The following DPYSL3 variants were observed in gnomAD, a reference collection of about 807,000 sequenced individuals.
DPYSL3 encodes dihydropyrimidinase like 3, also known as dihydropyrimidinase-related protein 3.
Under a neutral mutation model 66.1 loss-of-function variants are expected in DPYSL3, and 16 were observed. That is an observed-to-expected ratio of 0.24 (90% CI 0.16 to 0.37). The LOEUF (loss-of-function observed/expected upper bound fraction) is 0.37, where lower values mean the gene tolerates loss of function less well. Among genes scored for constraint, DPYSL3 ranks in the 10% least tolerant of loss-of-function variants. The probability of loss-of-function intolerance (pLI) is 1.00; values close to 1 mark genes in which losing one functional copy is unlikely to be tolerated. For synonymous variants in DPYSL3, 338 were observed against 345.1 expected (o/e 0.98, Z 0.23); for missense variants, 738 against 916.2 (o/e 0.81, Z 2.51).
intron 1 of DPYSL3, among the ~76,000 whole-genome samples, chr5:147,451,395 A>G (rs1266761556): frequency 2.6e-5 from 4 of 152,218 alleles, no homozygotes; most frequent in African/African-American, 7.2e-5. Context: ...CCGCACTGAA[A>G]ATGAAGGATG....
Position 147,497,227 on chromosome 5 carries a change from A to G in DPYSL3, c.381+12251T>C, listed in dbSNP as rs371813231. ...AGAACACATGGACACAGGAAGGGGA[A>G]CATCACACACCAGGGACTGTTGTGG... On this transcript the variant is annotated intron_variant, in intron 1 of 13. Coordinates refer to ENST00000343218, the MANE Select transcript of DPYSL3 (RefSeq NM_001197294.2). 2.5e-4 allele frequency among the ~76,000 whole-genome samples: 34 copies of G among 138,512 alleles called. 2 individuals are homozygous for G. In the East Asian group the frequency reaches 8.0e-3, roughly 33 times the overall value. The allele number at this position is 138,512 out of a possible 152,430, so 90.9% of individuals were successfully genotyped here.
chr5:147,444,744 C>T (rs541489321), intron 1 of DPYSL3, among the ~76,000 whole-genome samples: 4 of 151,424 alleles, frequency 2.6e-5, no homozygotes, highest in African/African-American at 7.3e-5. Context: ...AGAATAAAAA[C>T]GAGTAATAAG....
chr5:147,450,296 C>A (rs932279939), intron 1 of DPYSL3, among the ~76,000 whole-genome samples: 1 of 152,014 alleles, frequency 6.6e-6, no homozygotes, highest in African/African-American at 2.4e-5. Context: ...AACATAATAC[C>A]TGACAAAATA....
At chr5:147,421,280 T>G (rs1319270528) in intron 2 of DPYSL3, among the ~76,000 whole-genome samples, 2 of 151,826 alleles carry the variant, frequency 1.3e-5, no homozygotes, top group African/African-American at 4.8e-5. Context: ...ACAAAGAGAA[T>G]AAAATACCTA....
intron 1 of DPYSL3, among the ~76,000 whole-genome samples, chr5:147,445,122 G>C (rs1268097757): frequency 6.6e-6 from 1 of 152,194 alleles, no homozygotes; most frequent in Non-Finnish European, 1.5e-5. Flanking sequence ...TTTGCAGTAA[G>C]AGAAATGATG....
intron 1 of DPYSL3, among the ~76,000 whole-genome samples, chr5:147,439,092 T>C (rs946742627): frequency 5.9e-5 from 9 of 152,210 alleles, no homozygotes; most frequent in Non-Finnish European, 1.2e-4. Flanking sequence ...TCTAAATTAA[T>C]TCATTCATTC....
intron 1 of DPYSL3, among the ~76,000 whole-genome samples, chr5:147,463,280 C>G (rs1398186786): frequency 6.6e-6 from 1 of 152,152 alleles, no homozygotes; most frequent in Non-Finnish European, 1.5e-5. Context: ...GGCCACATGA[C>G]AGCCCCATTC....
chr5:147,460,964 G>C (rs1752922088), intron 1 of DPYSL3, among the ~76,000 whole-genome samples: 1 of 152,216 alleles, frequency 6.6e-6, no homozygotes, highest in Non-Finnish European at 1.5e-5. Context: ...ACAGGAGATA[G>C]AAAGAAATTA....
At chr5:147,483,388 T>C (rs1753280582) in intron 1 of DPYSL3, among the ~76,000 whole-genome samples, 1 of 152,202 alleles carries the variant, frequency 6.6e-6, no homozygotes, top group Non-Finnish European at 1.5e-5. Flanking sequence ...TAACACTGTG[T>C]TTGAAATCAG....
At chr5:147,430,353 G>T (rs1344055413) in intron 1 of DPYSL3, among the ~76,000 whole-genome samples, 1 of 151,082 alleles carries the variant, frequency 6.6e-6, no homozygotes, top group Admixed American at 6.6e-5. Flanking sequence ...AAAAGAAAAA[G>T]AAAAAAAATA....
At chr5:147,428,192 G>T (rs551208320) in intron 1 of DPYSL3, among the ~76,000 whole-genome samples, 10 of 152,304 alleles carry the variant, frequency 6.6e-5, no homozygotes, top group Non-Finnish European at 1.3e-4. Flanking sequence ...GCCCAAAGAT[G>T]AATCATAGGC....
chr5:147,485,983 A>T (rs1302761746), intron 1 of DPYSL3, among the ~76,000 whole-genome samples: 1 of 152,232 alleles, frequency 6.6e-6, no homozygotes, highest in Admixed American at 6.5e-5. Context: ...GATAAATACA[A>T]TCTGATATAT....
intron 1 of DPYSL3, among the ~76,000 whole-genome samples, chr5:147,476,615 A>C (rs1269037737): frequency 6.6e-6 from 1 of 152,098 alleles, no homozygotes; most frequent in African/African-American, 2.4e-5. Context: ...CTTCCATGTA[A>C]ATTTTGGTCT....
At chr5:147,474,828 C>G (rs113698519) in intron 1 of DPYSL3, among the ~76,000 whole-genome samples, 1 of 151,828 alleles carries the variant, frequency 6.6e-6, no homozygotes, top group Non-Finnish European at 1.5e-5. Context: ...TATACAATTC[C>G]GTGGTTTTTA....
chr5:147,434,944 T>C (rs1178122894), intron 1 of DPYSL3, among the ~76,000 whole-genome samples: 3 of 152,216 alleles, frequency 2.0e-5, no homozygotes, highest in African/African-American at 7.2e-5. Flanking sequence ...GTTCATCTAT[T>C]GTAACAAGCA....
At chr5:147,452,553 G>T (rs535606139) in intron 1 of DPYSL3, among the ~76,000 whole-genome samples, 3 of 151,906 alleles carry the variant, frequency 2.0e-5, no homozygotes, top group Non-Finnish European at 4.4e-5. Flanking sequence ...TTCTATTTTT[G>T]TAAATGACCA....
chr5:147,453,172 G>C (rs1021220441), intron 1 of DPYSL3, among the ~76,000 whole-genome samples: 1 of 152,118 alleles, frequency 6.6e-6, no homozygotes, highest in African/African-American at 2.4e-5. Context: ...ACGGCCAAAA[G>C]GATCCTTAGA....
intron 4 of DPYSL3, among the ~76,000 whole-genome samples, chr5:147,415,470 C>A (rs141626918): frequency 7.9e-5 from 12 of 152,268 alleles, no homozygotes; most frequent in African/African-American, 2.9e-4. Flanking sequence ...TGATCTTGGG[C>A]TGCTTATTCT....
intron 1 of DPYSL3, among the ~76,000 whole-genome samples, chr5:147,456,544 C>T (rs1752855933): frequency 6.6e-6 from 1 of 151,110 alleles, no homozygotes; most frequent in Admixed American, 6.6e-5. Context: ...TGCCCCTACT[C>T]TCCACAGACA....
Sources: allele counts gnomAD v4.1 joint callset (sites outside exome capture counted in the v4.1 genomes callset), GRCh38; gene constraint gnomAD v4.1.1; transcripts MANE v1.5; gene names NCBI Gene and HGNC (gene_info 2026-07-23, HGNC 2026-07-21).